The following RIMBP2 variants were observed in gnomAD, a reference collection of about 807,000 sequenced individuals.
The protein encoded by RIMBP2 is RIMS binding protein 2.
A neutral mutation model predicts 118.6 loss-of-function variants in RIMBP2; 48 were observed. The observed-to-expected ratio is 0.40, with a 90% CI of 0.32 to 0.51. The LOEUF (loss-of-function observed/expected upper bound fraction) is 0.51. Ranked by LOEUF, RIMBP2 falls within the 20% of genes least tolerant of loss-of-function variation. The probability of loss-of-function intolerance (pLI) is 0.41; values close to 1 mark genes in which losing one functional copy is unlikely to be tolerated. For missense variants in RIMBP2, 1,551 were observed against 1,768.3 expected (o/e 0.88, Z 2.20); for synonymous variants, 762 against 742.9 (o/e 1.03, Z -0.42).
At chr12:130,706,859 A>G (rs181342315) in intron 1 of RIMBP2, among the ~76,000 whole-genome samples, 2 of 152,298 alleles carry the variant, frequency 1.3e-5, no homozygotes, top group South Asian at 2.1e-4. Flanking sequence ...AGTGGTCCCA[A>G]ATGCCGCAGG....
chr12:130,462,039 T>A (rs1407932842), intron 6 of RIMBP2, among the ~76,000 whole-genome samples: 1 of 152,212 alleles, frequency 6.6e-6, no homozygotes, highest in East Asian at 1.9e-4. Flanking sequence ...TGTCTAGAGA[T>A]GGCTGCAGGC....
chr12:130,412,513 T>G, intron 19 of RIMBP2, 106 bp downstream of exon 19: 2 of 1,063,824 alleles, frequency 1.9e-6, no homozygotes, highest in Non-Finnish European at 2.8e-6. Context: ...TTGGCATATT[T>G]AAATGATGCA....
chr12:130,699,510 T>C lies in RIMBP2; in HGVS notation c.-352+16712A>G, dbSNP rs796993498. ...ACCAAACGCCGCATGTTCTCACTCA[T>C]AGGTGGGAACTGAACAATGAGAACA... On this transcript the variant is annotated intron_variant, in intron 1 of 22. Coordinates refer to ENST00000690449, the MANE Select transcript of RIMBP2 (RefSeq NM_001393629.1). 2.4e-4 allele frequency among the ~76,000 whole-genome samples: 33 copies of C among 135,498 alleles called. 1 individual carries two copies. The South Asian group carries it at 7.2e-3, about 30-fold the overall frequency. The allele number at this position is 135,498 out of a possible 152,430, so 88.9% of individuals were successfully genotyped here. A position where few individuals can be genotyped will look rare whatever the true frequency, so the allele number is the denominator to read the frequency against.
chr12:130,620,625 T>G lies in RIMBP2; in HGVS notation c.-217+7697A>C, dbSNP rs935483196. Among the ~76,000 whole-genome samples the G allele has an allele frequency of 3.3e-5, 5 of 152,210 alleles. No individual in the cohort carries two copies. Among genetic ancestry groups the G allele is most frequent in the Non-Finnish European group, 7.3e-5 (5 of 68,042 alleles). Reference sequence around the variant, plus strand: ...TCTGCCCGTGCCTGTCCCCGGCTTCTGTGGTGGCTGACATTCTTGGTACTT... The same window carrying G: ...TCTGCCCGTGCCTGTCCCCGGCTTCGGTGGTGGCTGACATTCTTGGTACTT... On this transcript the variant is annotated intron_variant, in intron 2 of 22. Coordinates refer to ENST00000690449, the MANE Select transcript of RIMBP2 (RefSeq NM_001393629.1). The surrounding 1 kb of genome is among the most constrained non-coding windows in gnomAD (Gnocchi z 5.3).
At chr12:130,403,311 A>G (rs566114996) in intron 21 of RIMBP2, among the ~76,000 whole-genome samples, 1 of 152,334 alleles carries the variant, frequency 6.6e-6, no homozygotes, top group Non-Finnish European at 1.5e-5. Context: ...TGGTAAATAA[A>G]AAGAAGCATA....
chr12:130,655,545 C>T (rs1393369045), intron 1 of RIMBP2, among the ~76,000 whole-genome samples: 1 of 152,124 alleles, frequency 6.6e-6, no homozygotes, highest in Non-Finnish European at 1.5e-5. Flanking sequence ...TTGATTTCCA[C>T]TTTAGGGAAT....
intron 1 of RIMBP2, among the ~76,000 whole-genome samples, chr12:130,669,418 T>C (rs2064100034): frequency 6.6e-6 from 1 of 152,164 alleles, no homozygotes; most frequent in South Asian, 2.1e-4. Context: ...AATCCCCACG[T>C]GTCCAGGGAG....
At chr12:130,410,714 A>G (rs1233673569) in intron 19 of RIMBP2, among the ~76,000 whole-genome samples, 1 of 152,182 alleles carries the variant, frequency 6.6e-6, no homozygotes, top group East Asian at 1.9e-4. Context: ...CCATTAATCT[A>G]TGTTTCTATC....
intron 2 of RIMBP2, among the ~76,000 whole-genome samples, chr12:130,582,633 T>C (rs2058554758): frequency 6.6e-6 from 1 of 152,232 alleles, no homozygotes; most frequent in Non-Finnish European, 1.5e-5. Context: ...TCGCTTGATC[T>C]AGACCAGTGG....
At chr12:130,537,298 G>C (rs1189779555) in intron 2 of RIMBP2, among the ~76,000 whole-genome samples, 2 of 152,192 alleles carry the variant, frequency 1.3e-5, no homozygotes, top group African/African-American at 4.8e-5. Context: ...CAAAAGTTTT[G>C]CCTTCTGCCT....
At chr12:130,519,810 C>T (rs758793703) in intron 2 of RIMBP2, among the ~76,000 whole-genome samples, 4 of 152,188 alleles carry the variant, frequency 2.6e-5, no homozygotes, top group Non-Finnish European at 5.9e-5. Context: ...TTAAATGTGA[C>T]CTTGGACAAG....
chr12:130,630,721 T>TG (rs1169595988), intron 1 of RIMBP2, among the ~76,000 whole-genome samples: 1 of 151,986 alleles, frequency 6.6e-6, no homozygotes, highest in Admixed American at 6.5e-5. Flanking sequence ...AGGAAAAAAA[T>TG]GGGTTAGGGC....
chr12:130,586,992 A>C, intron 2 of RIMBP2, among the ~76,000 whole-genome samples: 1 of 74,626 alleles, frequency 1.3e-5, no homozygotes, highest in Non-Finnish European at 2.4e-5. Flanking sequence ...GAAAAAAACA[A>C]ACAACCCCAT....
At chr12:130,451,122 C>A (rs1221808433) in intron 8 of RIMBP2, 73 bp downstream of exon 8, 3 of 1,524,272 alleles carry the variant, frequency 2.0e-6, no homozygotes, top group African/African-American at 2.7e-5. Context: ...AAAAACAGGA[C>A]AAACTGGCCA....
At chr12:130,563,632 T>C (rs1194134361) in intron 2 of RIMBP2, among the ~76,000 whole-genome samples, 1 of 152,218 alleles carries the variant, frequency 6.6e-6, no homozygotes, top group Admixed American at 6.5e-5. Context: ...CAGGGCTTTA[T>C]TTAAGTGCAA....
intron 17 of RIMBP2, among the ~76,000 whole-genome samples, chr12:130,418,902 C>T (rs2076254837): frequency 6.6e-6 from 1 of 152,200 alleles, no homozygotes; most frequent in Non-Finnish European, 1.5e-5. Flanking sequence ...CACAGAGCTG[C>T]CTGAGGCCAG....
At chr12:130,639,486 T>C (rs2062510925) in intron 1 of RIMBP2, among the ~76,000 whole-genome samples, 1 of 21,830 alleles carries the variant, frequency 4.6e-5, no homozygotes, top group Non-Finnish European at 8.7e-5. Flanking sequence ...AGATCCTGCC[T>C]CAAAAAAAAA....
intron 2 of RIMBP2, among the ~76,000 whole-genome samples, chr12:130,615,958 C>T (rs529343330): frequency 1.3e-5 from 2 of 152,192 alleles, no homozygotes; most frequent in Admixed American, 6.5e-5. Context: ...CTGCTCCGGG[C>T]GGGGACGTGG....
At position 130,479,026 on chromosome 12, in the gene RIMBP2, C is replaced by T. The variant is rs201190966; in HGVS notation, c.-3-10G>A. Reference sequence around the variant, plus strand: ...CCGCCTCTCGCATATGCTGTGGGGACAGAGAGAGGCCTGGCTGAGCAGGGC... The same window carrying T: ...CCGCCTCTCGCATATGCTGTGGGGATAGAGAGAGGCCTGGCTGAGCAGGGC... On this transcript the variant is annotated splice_polypyrimidine_tract_variant and intron_variant, in intron 4 of 22. Coordinates refer to ENST00000690449, the MANE Select transcript of RIMBP2 (RefSeq NM_001393629.1). 1.3e-5 allele frequency: 21 copies of T among 1,609,416 alleles called. No individual in the cohort carries two copies. Among genetic ancestry groups the T allele is most frequent in the Middle Eastern group, 1.7e-4 (1 of 5,898 alleles).
Sources: gnomAD v4.1 joint callset for allele counts (sites outside exome capture counted in the v4.1 genomes callset) on GRCh38, gnomAD v4.1.1 for gene constraint, Gnocchi (gnomAD v3.1) non-coding constraint, MANE v1.5 for transcripts, NCBI Gene and HGNC (gene_info 2026-07-23, HGNC 2026-07-21) for gene names.